The following ZC3H12B variants were observed in gnomAD, a reference collection of about 807,000 sequenced individuals.
ZC3H12B encodes probable ribonuclease ZC3H12B.
A neutral mutation model predicts 43.9 loss-of-function variants in ZC3H12B; 7 were observed. The observed-to-expected ratio is 0.16, with a 90% CI of 0.09 to 0.30. The LOEUF (loss-of-function observed/expected upper bound fraction) is 0.30, where lower values mean the gene tolerates loss of function less well. Ranked by LOEUF, ZC3H12B falls within the 10% of genes least tolerant of loss-of-function variation. The probability of loss-of-function intolerance (pLI) is 1.00; values close to 1 mark genes in which losing one functional copy is unlikely to be tolerated. For synonymous variants in ZC3H12B, 222 were observed against 241.7 expected (o/e 0.92, Z 0.76); for missense variants, 475 against 670.2 (o/e 0.71, Z 3.22).
intron 3 of ZC3H12B, among the ~76,000 whole-genome samples, chrX:65,483,628 G>A (rs1359977480): frequency 5.4e-5 from 6 of 111,790 alleles, no homozygotes; most frequent in Non-Finnish European, 1.1e-4. Context: ...GCTCTATTGA[G>A]AGCATATATG....
At chrX:65,100,462 A>C in the ZC3H12B span, among the ~76,000 whole-genome samples, 2 of 105,980 alleles carry the variant, frequency 1.9e-5, no homozygotes, top group African/African-American at 6.9e-5. Flanking sequence ...ATAAAGAGTC[A>C]AGACCCATCA....
the ZC3H12B span, among the ~76,000 whole-genome samples, chrX:65,139,106 T>C: frequency 8.9e-6 from 1 of 112,439 alleles, no homozygotes; most frequent in Non-Finnish European, 1.9e-5. Flanking sequence ...ATAGTTTCAT[T>C]TGTCTACTTT....
chrX:65,448,856 G>A (rs1158756577), intron 3 of ZC3H12B, among the ~76,000 whole-genome samples: 2 of 96,389 alleles, frequency 2.1e-5, no homozygotes, highest in Non-Finnish European at 4.0e-5. Context: ...AGGAAGGAAA[G>A]AAGGGAGGAA....
the ZC3H12B span, among the ~76,000 whole-genome samples, chrX:65,056,290 T>C: frequency 8.9e-6 from 1 of 111,762 alleles, no homozygotes; most frequent in Non-Finnish European, 1.9e-5. Context: ...GTATGTTGTG[T>C]CTTTGTTCTC....
In ZC3H12B at chrX:65,488,737, T is replaced by C; in HGVS notation, c.-65T>C. The C allele has an allele frequency of 9.2e-7, 1 of 1,091,410 alleles. No homozygotes were observed. Among genetic ancestry groups the C allele is most frequent in the South Asian group, 2.4e-5 (1 of 42,031 alleles). The allele number at this position is 1,091,410 out of a possible 1,213,427, so 89.9% of individuals were successfully genotyped here. A position where few individuals can be genotyped will look rare whatever the true frequency, so the allele number is the denominator to read the frequency against. Reference sequence around the variant, plus strand: ...TTTACTACAAAAGAATGCCACTGCATGTGGATTCCAAGCAGGCTAAAAAGA... The same window carrying C: ...TTTACTACAAAAGAATGCCACTGCACGTGGATTCCAAGCAGGCTAAAAAGA... On this transcript the variant is annotated 5_prime_UTR_variant, in exon 1 of 5. It removes an upstream start codon present in the reference 5' UTR. Transcript: ENST00000338957.
chrX:65,338,714 C>G, the ZC3H12B span, among the ~76,000 whole-genome samples: 1 of 112,266 alleles, frequency 8.9e-6, no homozygotes, highest in African/African-American at 3.2e-5. Flanking sequence ...TCCACACATG[C>G]AAACCAATAA....
At chrX:65,448,965 A>AAGAAAGAAAGAAAAAGAAAGAAAGAG in intron 3 of ZC3H12B, among the ~76,000 whole-genome samples, 1 of 93,095 alleles carries the variant, frequency 1.1e-5, no homozygotes, top group South Asian at 4.5e-4. Flanking sequence ...AAAAGAAAGA[A>AAGAAAGAAAGAAAAAGAAAGAAAGAG]AGAAAGAAAG....
chrX:65,304,319 A>T, the ZC3H12B span, among the ~76,000 whole-genome samples: 4 of 112,065 alleles, frequency 3.6e-5, no homozygotes, highest in Admixed American at 1.9e-4. Flanking sequence ...TATGCAAAAA[A>T]AAAGAACATT....
chrX:65,163,556 G>A, the ZC3H12B span, among the ~76,000 whole-genome samples: 3 of 111,635 alleles, frequency 2.7e-5, no homozygotes, highest in Admixed American at 1.9e-4. Context: ...GACTCCGTGG[G>A]CGTAGGACCC....
At chrX:65,368,438 T>A (rs756769050) in intron 1 of ZC3H12B, among the ~76,000 whole-genome samples, 70 of 112,031 alleles carry the variant, frequency 6.2e-4, no homozygotes, top group African/African-American at 2.2e-3. Flanking sequence ...CTTAATAAAA[T>A]TTAGATAATA....
At chrX:65,405,007 C>T (rs892288789) in intron 3 of ZC3H12B, among the ~76,000 whole-genome samples, 1 of 112,460 alleles carries the variant, frequency 8.9e-6, no homozygotes, top group Non-Finnish European at 1.9e-5. Context: ...AGCATCTTCT[C>T]TGACCACAAT....
At chrX:65,380,953 G>C (rs879161562) in intron 2 of ZC3H12B, among the ~76,000 whole-genome samples, 2 of 111,581 alleles carry the variant, frequency 1.8e-5, no homozygotes, top group East Asian at 2.8e-4. Flanking sequence ...GATTCATAAA[G>C]CAAGTCCTGA....
chrX:65,407,198 G>A (rs763797516), intron 3 of ZC3H12B, among the ~76,000 whole-genome samples: 1 of 113,155 alleles, frequency 8.8e-6, no homozygotes, highest in East Asian at 2.8e-4. Flanking sequence ...CTCGGAAGAA[G>A]GGTCCGGAGC....
At chrX:65,181,636 C>A in the ZC3H12B span, among the ~76,000 whole-genome samples, 1 of 111,933 alleles carries the variant, frequency 8.9e-6, no homozygotes, top group Non-Finnish European at 1.9e-5. Context: ...ATGCTGCCAA[C>A]AAACATATGA....
chrX:65,079,493 G>A, the ZC3H12B span, among the ~76,000 whole-genome samples: 1 of 112,565 alleles, frequency 8.9e-6, no homozygotes. Flanking sequence ...GGGTGCTTGT[G>A]TCACTCTACC....
upstream of ZC3H12B, among the ~76,000 whole-genome samples, chrX:65,364,925 G>T (rs778361253): frequency 1.2e-4 from 13 of 111,416 alleles, no homozygotes; most frequent in Non-Finnish European, 2.4e-4. Flanking sequence ...ATACCTCTTG[G>T]TCTGGGTAGA....
At chrX:65,184,580 G>C in the ZC3H12B span, among the ~76,000 whole-genome samples, 1 of 111,753 alleles carries the variant, frequency 8.9e-6, no homozygotes, top group Non-Finnish European at 1.9e-5. Context: ...AAACAGTAAC[G>C]TGTAAATTGA....
At chrX:65,054,290 G>A in the ZC3H12B span, among the ~76,000 whole-genome samples, 3 of 111,700 alleles carry the variant, frequency 2.7e-5, no homozygotes, top group African/African-American at 3.3e-5. Flanking sequence ...TTTGTATAAG[G>A]TGTAAGGAAG....
chrX:65,487,705 G>A (rs1390534227), upstream of ZC3H12B, among the ~76,000 whole-genome samples: 1 of 111,979 alleles, frequency 8.9e-6, no homozygotes, highest in African/African-American at 3.2e-5. Flanking sequence ...ACACATTCAG[G>A]AAAGTGCACA....
Sources: gnomAD v4.1 joint callset for allele counts (sites outside exome capture counted in the v4.1 genomes callset) on GRCh38, gnomAD v4.1.1 for gene constraint, MANE v1.5 for transcripts, NCBI Gene and HGNC (gene_info 2026-07-23, HGNC 2026-07-21) for gene names.